Variants in FAM13A observed in about 807,000 individuals in gnomAD.
The protein encoded by FAM13A is protein FAM13A.
FAM13A carries 76 observed loss-of-function variants against 129.6 expected under a neutral mutation model. The ratio of observed to expected loss-of-function variants is 0.59; its 90% CI spans 0.49 to 0.71. FAM13A has a LOEUF of 0.71. Ranked by LOEUF, FAM13A falls within the 30% of genes least tolerant of loss-of-function variation. The pLI, the probability that FAM13A is intolerant of heterozygous loss-of-function variation, is 0.00. For synonymous variants in FAM13A, 443 were observed against 449.9 expected (o/e 0.98, Z 0.20); for missense variants, 1,108 against 1,249.3 (o/e 0.89, Z 1.70).
intron 11 of FAM13A, 30 bp from the exon 12 acceptor site, chr4:88,768,089 T>G: frequency 2.2e-6 from 3 of 1,342,878 alleles, no homozygotes; most frequent in South Asian, 2.4e-5. Context: ...GGTTGCCTAA[T>G]AGGAATGGTA....
At chr4:88,929,895 G>A (rs1752776937) in intron 5 of FAM13A, among the ~76,000 whole-genome samples, 1 of 152,026 alleles carries the variant, frequency 6.6e-6, no homozygotes, top group Non-Finnish European at 1.5e-5. Flanking sequence ...GTACCACCAT[G>A]CCCAGCTAGT....
chr4:88,860,389 T>C (rs114228305), intron 6 of FAM13A, among the ~76,000 whole-genome samples: 2 of 152,222 alleles, frequency 1.3e-5, no homozygotes, highest in East Asian at 3.8e-4. Flanking sequence ...GTTAAGCTGC[T>C]TCTTCTGGAA....
intron 4 of FAM13A, among the ~76,000 whole-genome samples, chr4:88,943,435 A>G (rs186799304): frequency 6.6e-6 from 1 of 152,358 alleles, no homozygotes. Flanking sequence ...GCTATCAGTC[A>G]TAACTTTCTG....
At chr4:89,022,328 A>T (rs971712776) in intron 2 of FAM13A, among the ~76,000 whole-genome samples, 4 of 152,224 alleles carry the variant, frequency 2.6e-5, no homozygotes, top group Admixed American at 6.5e-5. Flanking sequence ...AATCCTGAGA[A>T]AAAAAATTCA....
In FAM13A at chr4:89,049,378, T is replaced by G. The variant is rs780796286; in HGVS notation, c.27+7560A>C. ...TTGTTTATATATAGTTTCAGAAAAGTCAAATGTGCTGAAAACTAGGCCTAC... is the reference window on the plus strand; with the variant it reads ...TTGTTTATATATAGTTTCAGAAAAGGCAAATGTGCTGAAAACTAGGCCTAC... On this transcript the variant is annotated intron_variant, in intron 1 of 23. Coordinates refer to ENST00000264344, the MANE Select transcript of FAM13A (RefSeq NM_014883.4). 4.6e-5 allele frequency among the ~76,000 whole-genome samples: 7 copies of G among 152,186 alleles called. 1 individual carries two copies. Among genetic ancestry groups the G allele is most frequent in the Admixed American group, 2.0e-4 (3 of 15,272 alleles).
At chr4:88,763,463 C>A (rs979314741) in intron 13 of FAM13A, among the ~76,000 whole-genome samples, 4 of 152,096 alleles carry the variant, frequency 2.6e-5, no homozygotes, top group African/African-American at 9.7e-5. Flanking sequence ...TGCCAGGGGG[C>A]AAATATGAAG....
intron 3 of FAM13A, among the ~76,000 whole-genome samples, chr4:89,004,520 C>T (rs1026155279): frequency 2.0e-5 from 3 of 152,202 alleles, no homozygotes; most frequent in African/African-American, 4.8e-5. Context: ...TTGAAATCTT[C>T]CTCTTAACTC....
At chr4:88,770,993 T>C (rs1462919486) in intron 11 of FAM13A, among the ~76,000 whole-genome samples, 1 of 152,204 alleles carries the variant, frequency 6.6e-6, no homozygotes, top group Non-Finnish European at 1.5e-5. Flanking sequence ...ATTCTAATTG[T>C]CATGTTATTT....
At chr4:88,933,048 TC>T (rs1405123293) in intron 5 of FAM13A, among the ~76,000 whole-genome samples, 2 of 152,094 alleles carry the variant, frequency 1.3e-5, no homozygotes, top group African/African-American at 2.4e-5. Context: ...TACGAAGATT[TC>T]CCAGTCCAAT....
chr4:88,758,693 T>A, intron 14 of FAM13A, 61 bp downstream of exon 14: 1 of 1,516,048 alleles, frequency 6.6e-7, no homozygotes, highest in African/African-American at 1.4e-5. Context: ...ATGCCTCTCA[T>A]TTGTGCTTAT....
chr4:88,859,319 T>A (rs1489817621), intron 6 of FAM13A, among the ~76,000 whole-genome samples: 1 of 151,680 alleles, frequency 6.6e-6, no homozygotes, highest in Non-Finnish European at 1.5e-5. Context: ...GGAGGAAAAA[T>A]TGGGGGAGAG....
intron 7 of FAM13A, among the ~76,000 whole-genome samples, chr4:88,821,797 T>C (rs1731965433): frequency 6.6e-6 from 1 of 152,216 alleles, no homozygotes; most frequent in African/African-American, 2.4e-5. Context: ...TCTGCTCCCT[T>C]GGATTCTTAA....
intron 6 of FAM13A, among the ~76,000 whole-genome samples, chr4:88,863,815 G>A (rs1016834998): frequency 2.0e-5 from 3 of 152,070 alleles, no homozygotes; most frequent in African/African-American, 7.2e-5. Context: ...ATGGGATAAA[G>A]GGATGTGAGC....
intron 7 of FAM13A, among the ~76,000 whole-genome samples, chr4:88,834,210 CAA>C (rs200267316): frequency 4.2e-4 from 56 of 132,152 alleles, no homozygotes; most frequent in African/African-American, 1.2e-3. Context: ...CCATGCCTGG[CAA>C]AAAAAAAAAA....
chr4:88,923,128 G>C (rs906397316), intron 5 of FAM13A, among the ~76,000 whole-genome samples: 7 of 152,072 alleles, frequency 4.6e-5, no homozygotes, highest in Admixed American at 2.6e-4. Flanking sequence ...GGTACAAGGA[G>C]GAACTGGTAC....
chr4:89,002,354 T>C (rs1029119037), intron 3 of FAM13A, among the ~76,000 whole-genome samples: 2 of 152,160 alleles, frequency 1.3e-5, no homozygotes, highest in African/African-American at 4.8e-5. Flanking sequence ...TGCTGAGGCT[T>C]AGTCTCCGGG....
chr4:88,776,972 T>TCAAACAAA lies in FAM13A; in HGVS notation c.1458+4185_1458+4192dup, dbSNP rs373186617. Among the ~76,000 whole-genome samples the TCAAACAAA allele has an allele frequency of 2.4e-3, 367 of 151,952 alleles. 1 individual carries two copies. The highest frequency in any genetic ancestry group is 6.8e-3 in the African/African-American group (280 of 41,452). Reference sequence around the variant, plus strand: ...TGGGCAATAAGAGTGAAACTCCATCTCAAACAAACAAACAAACAAACAAAC... The same window carrying TCAAACAAA: ...TGGGCAATAAGAGTGAAACTCCATCTCAAACAAACAAACAAACAAACAAACAAACAAAC... On this transcript the variant is annotated intron_variant, in intron 11 of 23. Coordinates refer to ENST00000264344, the MANE Select transcript of FAM13A (RefSeq NM_014883.4).
At position 89,027,766 on chromosome 4, in the gene FAM13A, C is replaced by T. The variant is rs576261917; in HGVS notation, c.217+1694G>A. ...GCACTGTGATACCACAATGATCAAT[C>T]TGCAAATTGAGGCCACTGCTAAGTG... is the stretch of plus-strand genomic sequence containing the variant. On this transcript the variant is annotated intron_variant, in intron 2 of 23. Coordinates refer to ENST00000264344, the MANE Select transcript of FAM13A (RefSeq NM_014883.4). Among the ~76,000 whole-genome samples the T allele has an allele frequency of 3.9e-5, 6 of 152,188 alleles. No individual in the cohort carries two copies. In the East Asian group the frequency reaches 1.2e-3, roughly 29 times the overall value.
intron 1 of FAM13A, among the ~76,000 whole-genome samples, chr4:89,056,506 A>G (rs920568507): frequency 1.3e-5 from 2 of 152,224 alleles, no homozygotes; most frequent in African/African-American, 4.8e-5. Flanking sequence ...CTAAACGAAA[A>G]TAGAAATATA....
Sources: gnomAD v4.1 joint callset for allele counts (sites outside exome capture counted in the v4.1 genomes callset) on GRCh38, gnomAD v4.1.1 for gene constraint, MANE v1.5 for transcripts, NCBI Gene and HGNC (gene_info 2026-07-23, HGNC 2026-07-21) for gene names.